Variants in GRIA3 observed in about 807,000 individuals in gnomAD.
GRIA3 encodes the protein glutamate receptor 3.
A neutral mutation model predicts 63.0 loss-of-function variants in GRIA3; 3 were observed. That is an observed-to-expected ratio of 0.05 (90% CI 0.02 to 0.12). The LOEUF (loss-of-function observed/expected upper bound fraction) is 0.12. Among genes scored for constraint, GRIA3 ranks in the 10% least tolerant of loss-of-function variants. The pLI is 1.00. For synonymous variants in GRIA3, 274 were observed against 257.9 expected (o/e 1.06, Z -0.60); for missense variants, 347 against 700.9 (o/e 0.50, Z 5.70).
At chrX:123,274,258 A>G (rs2044540754) in intron 3 of GRIA3, among the ~76,000 whole-genome samples, 1 of 112,402 alleles carries the variant, frequency 8.9e-6, no homozygotes, top group Non-Finnish European at 1.9e-5. Context: ...TATTTGCTAG[A>G]TCTGGTAACC....
chrX:123,311,968 A>G (rs2044796105), intron 3 of GRIA3, among the ~76,000 whole-genome samples: 1 of 112,192 alleles, frequency 8.9e-6, no homozygotes, highest in Admixed American at 9.4e-5. Flanking sequence ...CTTCATGAAC[A>G]TGTGCGTCTC....
chrX:123,220,492 C>T (rs1928262926), intron 2 of GRIA3, among the ~76,000 whole-genome samples: 1 of 111,980 alleles, frequency 8.9e-6, no homozygotes, highest in African/African-American at 3.2e-5. Context: ...CAATGAGTTT[C>T]TGCTTGCTGT....
chrX:123,332,085 G>T (rs1287488212), intron 4 of GRIA3, among the ~76,000 whole-genome samples: 1 of 111,279 alleles, frequency 9.0e-6, no homozygotes, highest in Non-Finnish European at 1.9e-5. Context: ...TTCAATCTAA[G>T]GTCATATCAT....
chrX:123,226,218 C>T (rs1219076687), intron 2 of GRIA3, among the ~76,000 whole-genome samples: 2 of 111,274 alleles, frequency 1.8e-5, no homozygotes, highest in African/African-American at 6.5e-5. Flanking sequence ...TCATCATTAT[C>T]ATAAAAAACA....
intron 10 of GRIA3, among the ~76,000 whole-genome samples, chrX:123,413,605 C>T (rs2045520056): frequency 1.0e-5 from 1 of 99,480 alleles, no homozygotes; most frequent in African/African-American, 3.7e-5. Context: ...TCATTCTCCT[C>T]AGTACCCTTT....
At chrX:123,275,310 G>A (rs990759257) in intron 3 of GRIA3, among the ~76,000 whole-genome samples, 1 of 112,072 alleles carries the variant, frequency 8.9e-6, no homozygotes, top group South Asian at 3.8e-4. Context: ...ATGGGACACA[G>A]AGAGATTGTG....
chrX:123,258,078 T>C (rs1352355493), intron 3 of GRIA3, among the ~76,000 whole-genome samples: 1 of 112,435 alleles, frequency 8.9e-6, no homozygotes, highest in African/African-American at 3.2e-5. Context: ...GCCCTATCGG[T>C]ACCCTCTCCT....
chrX:123,369,082 A>G (rs1603117002), intron 5 of GRIA3, among the ~76,000 whole-genome samples: 1 of 111,095 alleles, frequency 9.0e-6, no homozygotes. Flanking sequence ...AATATCTCCC[A>G]CCCTTCCACT....
chrX:123,354,929 A>T lies in GRIA3; in HGVS notation c.716A>T (p.His239Leu). Residue 239 changes from histidine (H) to leucine (L), a missense_variant, in exon 5 of 16, where the codon CAC becomes CTC. Coordinates refer to ENST00000620443, the MANE Select transcript of GRIA3 (RefSeq NM_007325.5). ...ILEQVVILGK[H>L]SRGYHYMLAN... ...CTGCAGGTTGTGATCCTAGGGAAACACTCAAGAGGTTATCACTACATGCTC... is the reference window on the plus strand; with the variant it reads ...CTGCAGGTTGTGATCCTAGGGAAACTCTCAAGAGGTTATCACTACATGCTC... The T allele has an allele frequency of 8.4e-7, 1 of 1,197,555 alleles. No individual in the cohort carries two copies. The highest frequency in any genetic ancestry group is 1.1e-6 in the Non-Finnish European group (1 of 882,559).
chrX:123,211,276 C>T (rs1194772655), intron 2 of GRIA3, among the ~76,000 whole-genome samples: 1 of 111,236 alleles, frequency 9.0e-6, no homozygotes, highest in East Asian at 2.8e-4. Flanking sequence ...TGCCTGAGAC[C>T]CCAGGGCAAA....
intron 4 of GRIA3, among the ~76,000 whole-genome samples, chrX:123,331,941 C>T (rs1297305472): frequency 9.0e-6 from 1 of 111,632 alleles, no homozygotes; most frequent in Non-Finnish European, 1.9e-5. Flanking sequence ...CAGTGCTTGG[C>T]ACTCAGTAGG....
At chrX:123,310,558 G>C (rs1366725703) in intron 3 of GRIA3, among the ~76,000 whole-genome samples, 1 of 113,265 alleles carries the variant, frequency 8.8e-6, no homozygotes, top group Non-Finnish European at 1.9e-5. Flanking sequence ...CACAGCTCTA[G>C]ACAAAGTGTT....
chrX:123,185,792 G>A (rs764112936), intron 1 of GRIA3, 40 bp from the exon 2 acceptor site: 1 of 1,171,885 alleles, frequency 8.5e-7, no homozygotes, highest in Non-Finnish European at 1.2e-6. Context: ...GCCCTAGTGT[G>A]GGGGAACACA....
In GRIA3 at chrX:123,278,326, C is replaced by T. The variant is rs193293229; in HGVS notation, c.508+24784C>T. ...TTAAAAGAGTCAATGGATATTAACC[C>T]CTTGTCACATGTATAGTGTGCAAAT... is the stretch of plus-strand genomic sequence containing the variant. On this transcript the variant is annotated intron_variant, in intron 3 of 15. Coordinates refer to ENST00000620443, the MANE Select transcript of GRIA3 (RefSeq NM_007325.5). Among the ~76,000 whole-genome samples, 17 of 112,199 alleles carry T rather than the reference C, an allele frequency of 1.5e-4. No individual in the cohort carries two copies. In the East Asian group the frequency reaches 4.5e-3, roughly 30 times the overall value.
intron 12 of GRIA3, among the ~76,000 whole-genome samples, chrX:123,463,963 TAGAG>T (rs1281818011): frequency 2.7e-5 from 3 of 111,145 alleles, no homozygotes. Flanking sequence ...ACACTCTAAA[TAGAG>T]ACAGACATTA....
In GRIA3 at chrX:123,404,713, A is replaced by G. The variant is rs766326410; in HGVS notation, c.1299A>G (p.Ser433=). 21 of 1,186,775 alleles carry G rather than the reference A, an allele frequency of 1.8e-5. No individual in the cohort carries two copies. Among genetic ancestry groups the G allele is most frequent in the Non-Finnish European group, 2.3e-5 (20 of 874,185 alleles). ...RTIVVTTILE[S]PYVMYKKNHE... ...TCTTGCTTCTGGTCCCAAAGGAATCACCATATGTAATGTACAAGAAGAACC... is the reference window on the plus strand; with the variant it reads ...TCTTGCTTCTGGTCCCAAAGGAATCGCCATATGTAATGTACAAGAAGAACC... Residue 433 remains serine (S), a synonymous_variant, in exon 10 of 16, where the codon TCA becomes TCG. Coordinates refer to ENST00000620443, the MANE Select transcript of GRIA3 (RefSeq NM_007325.5).
At chrX:123,381,491 T>C (rs6648509) in intron 5 of GRIA3, among the ~76,000 whole-genome samples, 9,250 of 111,850 alleles carry the variant, frequency 0.083, 750 homozygotes, top group African/African-American at 0.26. Flanking sequence ...CCATAAAAAT[T>C]CATCAAAGAT....
Position 123,188,081 on chromosome X carries a change from G to A in GRIA3, c.268+2091G>A, listed in dbSNP as rs776065739. 1.5e-4 allele frequency among the ~76,000 whole-genome samples: 17 copies of A among 112,144 alleles called. No homozygotes were observed. In the South Asian group the frequency reaches 5.7e-3, roughly 37 times the overall value. ...GCAACAAGAAAAAGAAAATGAAAAC[G>A]TGACCTTGCCCTTAGTTATGTCAAA... On this transcript the variant is annotated intron_variant, in intron 2 of 15. Coordinates refer to ENST00000620443, the MANE Select transcript of GRIA3 (RefSeq NM_007325.5).
chrX:123,470,486 A>C (rs771232107), intron 13 of GRIA3, among the ~76,000 whole-genome samples: 8 of 111,881 alleles, frequency 7.2e-5, no homozygotes, highest in African/African-American at 2.6e-4. Context: ...TTCTCTGAAG[A>C]AATTAAAACA....
Sources: gnomAD v4.1 joint callset for allele counts (sites outside exome capture counted in the v4.1 genomes callset) on GRCh38, gnomAD v4.1.1 for gene constraint, MANE v1.5 for transcripts, NCBI Gene and HGNC (gene_info 2026-07-23, HGNC 2026-07-21) for gene names.